The following ADAM17 variants were observed in gnomAD, a reference collection of about 807,000 sequenced individuals.
ADAM17 encodes the protein disintegrin and metalloproteinase domain-containing protein 17.
ADAM17 carries 39 observed loss-of-function variants against 96.7 expected under a neutral mutation model. The observed-to-expected ratio is 0.40, with a 90% CI of 0.31 to 0.53. ADAM17 has a LOEUF of 0.53. Ranked by LOEUF, ADAM17 falls within the 20% of genes least tolerant of loss-of-function variation. The pLI is 0.44. For missense variants in ADAM17, 777 were observed against 1,013.2 expected, an observed-to-expected ratio of 0.77 and a Z score of 3.17; for synonymous variants, 344 against 359.2, an observed-to-expected ratio of 0.96 and a Z score of 0.48.
intron 1 of ADAM17, 24 bp downstream of exon 1, chr2:9,555,484 TA>T: frequency 6.4e-7 from 1 of 1,550,502 alleles, no homozygotes; most frequent in Non-Finnish European, 8.7e-7. Flanking sequence ...GGCGCCGGCC[TA>T]AGCCAACTCC....
At position 9,531,025 on chromosome 2, in the gene ADAM17, T is replaced by C. The variant is rs539150740; in HGVS notation, c.451-3071A>G. 3.9e-5 allele frequency among the ~76,000 whole-genome samples: 6 copies of C among 152,268 alleles called. No homozygotes were observed. The South Asian group carries it at 1.2e-3, about 32-fold the overall frequency. ...CACATTGGAGTACAGTGGAGCGATC[T>C]CAGCTCACTGCAACCTCTGTCTCCC... On this transcript the variant is annotated intron_variant, in intron 4 of 18. Transcript: ENST00000310823.
chr2:9,505,423 G>T, intron 11 of ADAM17, 58 bp from the exon 12 acceptor site: 1 of 1,517,560 alleles, frequency 6.6e-7, no homozygotes, highest in Non-Finnish European at 9.1e-7. Context: ...GTATTCCCAT[G>T]CAATGTTTGT....
At chr2:9,547,703 G>A (rs922117438) in intron 1 of ADAM17, among the ~76,000 whole-genome samples, 2 of 152,150 alleles carry the variant, frequency 1.3e-5, no homozygotes, top group Admixed American at 1.3e-4. Flanking sequence ...AAGGGCTATG[G>A]AAGGAAATCA....
intron 1 of ADAM17, among the ~76,000 whole-genome samples, chr2:9,548,998 T>C (rs896820801): frequency 6.6e-6 from 1 of 152,216 alleles, no homozygotes; most frequent in Non-Finnish European, 1.5e-5. Flanking sequence ...TTTAATGCAT[T>C]GACATAAAGT....
At chr2:9,528,578 C>T (rs1461447473) in intron 4 of ADAM17, among the ~76,000 whole-genome samples, 1 of 152,202 alleles carries the variant, frequency 6.6e-6, no homozygotes, top group African/African-American at 2.4e-5. Context: ...TAACATACTC[C>T]AAAGGTTACC....
chr2:9,498,784 T>C (rs1283817722), intron 13 of ADAM17, among the ~76,000 whole-genome samples: 1 of 152,240 alleles, frequency 6.6e-6, no homozygotes, highest in Non-Finnish European at 1.5e-5. Flanking sequence ...TATTGTATTT[T>C]TGGTATATGA....
chr2:9,511,305 C>T (rs1663728329), intron 10 of ADAM17, among the ~76,000 whole-genome samples: 1 of 152,106 alleles, frequency 6.6e-6, no homozygotes, highest in Non-Finnish European at 1.5e-5. Context: ...AAAAAATTAG[C>T]TGGGTGTGGT....
At chr2:9,500,093 A>C (rs1662910320) in intron 13 of ADAM17, among the ~76,000 whole-genome samples, 1 of 37,410 alleles carries the variant, frequency 2.7e-5, no homozygotes, top group Non-Finnish European at 9.0e-5. Flanking sequence ...AAACTCATAG[A>C]TAAATGTTCA....
intron 10 of ADAM17, among the ~76,000 whole-genome samples, chr2:9,513,813 G>A: frequency 6.6e-6 from 1 of 151,664 alleles, no homozygotes; most frequent in African/African-American, 2.4e-5. Context: ...TCACCTGAGA[G>A]CCAGCCTGAC....
chr2:9,499,176 C>T (rs1662836923), intron 13 of ADAM17, among the ~76,000 whole-genome samples: 1 of 147,754 alleles, frequency 6.8e-6, no homozygotes, highest in Admixed American at 6.7e-5. Flanking sequence ...ATACTGATTC[C>T]TTATCAGGAA....
Position 9,518,137 on chromosome 2 carries a change from G to T in ADAM17, c.1068C>A (p.Pro356=). ...GTLGLAYVGS[P]RANSHGGVCP... Reference sequence around the variant, plus strand: ...AAACACCTCCATGGCTGTTTGCTCTGGGAGAGCCAACATAAGCTAATCCAA... The same window carrying T: ...AAACACCTCCATGGCTGTTTGCTCTTGGAGAGCCAACATAAGCTAATCCAA... The change falls in exon 9 of 19, where the codon CCC becomes CCA. Residue 356 remains proline (P), a synonymous_variant. Transcript: ENST00000310823. 1 of 1,600,928 alleles carries T rather than the reference G, an allele frequency of 6.2e-7. No individual in the cohort carries two copies. Among genetic ancestry groups the T allele is most frequent in the Non-Finnish European group, 8.5e-7 (1 of 1,176,370 alleles).
intron 11 of ADAM17, among the ~76,000 whole-genome samples, chr2:9,508,833 G>T: frequency 6.6e-6 from 1 of 152,110 alleles, no homozygotes; most frequent in East Asian, 1.9e-4. Context: ...TCAACAGTTT[G>T]ACAGGTTGGA....
At chr2:9,553,120 AT>A (rs1279112090) in intron 1 of ADAM17, among the ~76,000 whole-genome samples, 1 of 152,192 alleles carries the variant, frequency 6.6e-6, no homozygotes, top group African/African-American at 2.4e-5. Context: ...GCCTATGTTC[AT>A]CATTGACAAC....
intron 11 of ADAM17, among the ~76,000 whole-genome samples, chr2:9,508,159 C>G (rs1663525833): frequency 6.6e-6 from 1 of 152,212 alleles, no homozygotes; most frequent in Non-Finnish European, 1.5e-5. Flanking sequence ...AGCATATGAC[C>G]TATTACTTAG....
chr2:9,554,879 A>C (rs1033649044), intron 1 of ADAM17, among the ~76,000 whole-genome samples: 3 of 152,158 alleles, frequency 2.0e-5, no homozygotes, highest in Admixed American at 2.0e-4. Flanking sequence ...TAGTGGCAGC[A>C]TCACGAGTTG....
chr2:9,498,580 A>G (rs1287273537), intron 13 of ADAM17, among the ~76,000 whole-genome samples: 2 of 152,262 alleles, frequency 1.3e-5, no homozygotes, highest in East Asian at 3.8e-4. Context: ...CACAAAATGT[A>G]CAGAAAATCT....
At chr2:9,499,456 C>CA (rs1662865930) in intron 13 of ADAM17, among the ~76,000 whole-genome samples, 1 of 151,938 alleles carries the variant, frequency 6.6e-6, no homozygotes. Flanking sequence ...GGCTGGAGTG[C>CA]AGTGGCGTGA....
chr2:9,515,292 T>C (rs746858513), intron 10 of ADAM17, among the ~76,000 whole-genome samples: 3 of 152,220 alleles, frequency 2.0e-5, no homozygotes, highest in Non-Finnish European at 4.4e-5. Context: ...TTTTACTTAG[T>C]AGTATGCTTT....
chr2:9,502,325 A>AT, intron 12 of ADAM17, 49 bp from the exon 13 acceptor site: 1 of 1,485,360 alleles, frequency 6.7e-7, no homozygotes, highest in African/African-American at 1.4e-5. Flanking sequence ...TTATGGCCCC[A>AT]TATCAAATCA....
Sources: gnomAD v4.1 joint callset for allele counts (sites outside exome capture counted in the v4.1 genomes callset) on GRCh38, gnomAD v4.1.1 for gene constraint, MANE v1.5 for transcripts, NCBI Gene and HGNC (gene_info 2026-07-23, HGNC 2026-07-21) for gene names.